The following GAN variants were observed in gnomAD, a reference collection of about 807,000 sequenced individuals.
The protein encoded by GAN is epididymis secretory sperm binding protein.
A neutral mutation model predicts 71.3 loss-of-function variants in GAN; 48 were observed. That is an observed-to-expected ratio of 0.67 (90% CI 0.53 to 0.86). The LOEUF (loss-of-function observed/expected upper bound fraction) is 0.86, where lower values mean the gene tolerates loss of function less well. Ranked by LOEUF, GAN falls within the 40% of genes least tolerant of loss-of-function variation. The pLI, the probability that GAN is intolerant of heterozygous loss-of-function variation, is 0.00. For missense variants in GAN, 928 were observed against 770.1 expected, an observed-to-expected ratio of 1.21 and a Z score of -2.43; for synonymous variants, 386 against 276.8, an observed-to-expected ratio of 1.39 and a Z score of -3.92.
intron 1 of GAN, among the ~76,000 whole-genome samples, chr16:81,342,476 C>G (rs368355218): frequency 6.6e-6 from 1 of 152,228 alleles, no homozygotes; most frequent in Non-Finnish European, 1.5e-5. Context: ...GATTCAGACT[C>G]TCACTCAAAA....
chr16:81,373,399 T>C (rs569892555), intron 9 of GAN, among the ~76,000 whole-genome samples: 2 of 152,346 alleles, frequency 1.3e-5, no homozygotes, highest in African/African-American at 4.8e-5. Context: ...AACATTATTA[T>C]TACATAGCAG....
chr16:81,317,104 A>T (rs1909069928), intron 1 of GAN, among the ~76,000 whole-genome samples: 1 of 152,072 alleles, frequency 6.6e-6, no homozygotes, highest in African/African-American at 2.4e-5. Flanking sequence ...TGATCCGCCC[A>T]CCTCGGCCTC....
chr16:81,324,325 T>C (rs924586450), intron 1 of GAN, among the ~76,000 whole-genome samples: 22 of 150,994 alleles, frequency 1.5e-4, no homozygotes, highest in Admixed American at 1.1e-3. Context: ...GCCATATGAG[T>C]TTGCCGAAGG....
chr16:81,343,941 T>A (rs1266417970), intron 1 of GAN, among the ~76,000 whole-genome samples: 1 of 152,222 alleles, frequency 6.6e-6, no homozygotes, highest in African/African-American at 2.4e-5. Flanking sequence ...AAAATGAATG[T>A]GCAAAATCAC....
rs141131887 is a variant in GAN, at chr16:81,389,923, G to A, written c.*12327G>A. Reference sequence around the variant, plus strand: ...TTGAATACTATAAGGAAAATGCCACGAATACCATATAAATACCACACCAAT... The same window carrying A: ...TTGAATACTATAAGGAAAATGCCACAAATACCATATAAATACCACACCAAT... On this transcript the variant is annotated 3_prime_UTR_variant, in exon 11 of 11. Transcript: ENST00000648994. The A allele has an allele frequency of 3.6e-3, 541 of 152,196 alleles. 4 individuals carry two copies. The highest frequency in any genetic ancestry group is 0.012 in the African/African-American group (511 of 41,528). 9.4% of individuals were successfully genotyped at this position (152,196 alleles called of 1,614,324 possible).
chr16:81,363,551 T>C (rs1346390246), intron 6 of GAN, among the ~76,000 whole-genome samples: 1 of 152,212 alleles, frequency 6.6e-6, no homozygotes, highest in Non-Finnish European at 1.5e-5. Context: ...AGGTTTGTTA[T>C]GTGTGTATAT....
At chr16:81,336,723 C>A (rs894728545) in intron 1 of GAN, among the ~76,000 whole-genome samples, 2 of 151,942 alleles carry the variant, frequency 1.3e-5, no homozygotes, top group Non-Finnish European at 2.9e-5. Flanking sequence ...AGTGATTCTC[C>A]CACCTCGGCC....
chr16:81,380,718 CAT>C lies in GAN; in HGVS notation c.*3125_*3126del, dbSNP rs1904300610. The C allele has an allele frequency of 6.6e-6, 1 of 152,152 alleles. No individual in the cohort carries two copies. The highest frequency in any genetic ancestry group is 1.5e-5 in the Non-Finnish European group (1 of 68,036). The allele number at this position is 152,152 out of a possible 1,614,324, so 9.4% of individuals were successfully genotyped here. On this transcript the variant is annotated 3_prime_UTR_variant, in exon 11 of 11. Transcript: ENST00000648994. ...TCAGTTTATACTACTGTGTCGAACT[CAT>C]ATTGAGTGTAAATATTGAAATATTT...
chr16:81,332,247 A>C (rs191824219), intron 1 of GAN, among the ~76,000 whole-genome samples: 53 of 152,176 alleles, frequency 3.5e-4, no homozygotes, highest in Non-Finnish European at 5.3e-4. Context: ...GGTGGTGGGT[A>C]AACCAGTCAG....
intron 1 of GAN, among the ~76,000 whole-genome samples, chr16:81,319,460 G>A (rs1909155879): frequency 6.6e-6 from 1 of 151,962 alleles, no homozygotes; most frequent in Non-Finnish European, 1.5e-5. Flanking sequence ...CCTGAGCTGT[G>A]GTTCTTGGTG....
At chr16:81,350,466 C>T (rs1597399417) in intron 1 of GAN, among the ~76,000 whole-genome samples, 1 of 152,142 alleles carries the variant, frequency 6.6e-6, no homozygotes, top group East Asian at 1.9e-4. Flanking sequence ...AATTCTACTC[C>T]CAGGAGTAGA....
chr16:81,334,573 G>A lies in GAN; in HGVS notation c.168-17010G>A, dbSNP rs532374316. On this transcript the variant is annotated intron_variant, in intron 1 of 10. Coordinates refer to ENST00000648994, the MANE Select transcript of GAN (RefSeq NM_022041.4). ...CCTCCTGTGGCCAGCCCTAGAGTCC[G>A]GTTCCCATTCGGATTATTGCACTGG... 6.6e-5 allele frequency among the ~76,000 whole-genome samples: 10 copies of A among 152,284 alleles called. No individual in the cohort carries two copies. In the South Asian group the frequency reaches 1.5e-3, roughly 22 times the overall value.
chr16:81,384,321 A>C lies in GAN; in HGVS notation c.*6725A>C, dbSNP rs931559063. The stretch of plus-strand genomic sequence containing the variant: ...TACTTAAAAAAAAAAAAAAAAGAAA[A>C]GAAAAAAAAGCACTTACAACCAGGA... On this transcript the variant is annotated 3_prime_UTR_variant, in exon 11 of 11. Coordinates refer to ENST00000648994, the MANE Select transcript of GAN (RefSeq NM_022041.4). 1 of 151,880 alleles carries C rather than the reference A, an allele frequency of 6.6e-6. No individual in the cohort carries two copies. Among genetic ancestry groups the C allele is most frequent in the Non-Finnish European group, 1.5e-5 (1 of 67,958 alleles). The allele number at this position is 151,880 out of a possible 1,614,324, so 9.4% of individuals were successfully genotyped here.
Position 81,319,224 on chromosome 16 carries a change from A to ATATATATATATATATC in GAN, c.167+3945_167+3946insATATATATATATATCT, listed in dbSNP as rs998809260. Among the ~76,000 whole-genome samples, 5 of 148,520 alleles carry ATATATATATATATATC rather than the reference A, an allele frequency of 3.4e-5. No homozygotes were observed. The Admixed American group carries it at 3.4e-4, about 10-fold the overall frequency. ...ATATAGATTATATATATATATATAT[A>ATATATATATATATATC]TCTAACAACCTTTCTAAGAATGGCA... is the stretch of plus-strand genomic sequence containing the variant. On this transcript the variant is annotated intron_variant, in intron 1 of 10. Coordinates refer to ENST00000648994, the MANE Select transcript of GAN (RefSeq NM_022041.4).
intron 1 of GAN, among the ~76,000 whole-genome samples, chr16:81,317,864 G>C (rs759926173): frequency 2.0e-5 from 3 of 151,978 alleles, no homozygotes; most frequent in Non-Finnish European, 2.9e-5. Flanking sequence ...AGAGAAGGCA[G>C]ATTTTTTTTT....
At position 81,384,328 on chromosome 16, in the gene GAN, A is replaced by C. The variant is rs1276852324; in HGVS notation, c.*6732A>C. 1.3e-5 allele frequency: 2 copies of C among 152,042 alleles called. No homozygotes were observed. Among genetic ancestry groups the C allele is most frequent in the Admixed American group, 1.3e-4 (2 of 15,264 alleles). The allele number at this position is 152,042 out of a possible 1,614,324, so 9.4% of individuals were successfully genotyped here. ...AAAAAAAAAAAAAAGAAAAGAAAAA[A>C]AAGCACTTACAACCAGGAGGAATAA... On this transcript the variant is annotated 3_prime_UTR_variant, in exon 11 of 11. Transcript: ENST00000648994.
chr16:81,347,393 A>G (rs1352722813), intron 1 of GAN, among the ~76,000 whole-genome samples: 4 of 152,232 alleles, frequency 2.6e-5, no homozygotes, highest in African/African-American at 7.2e-5. Context: ...TGTCACCAGA[A>G]TGGACTGGCT....
At chr16:81,329,169 G>C (rs530152630) in intron 1 of GAN, among the ~76,000 whole-genome samples, 1 of 152,058 alleles carries the variant, frequency 6.6e-6, no homozygotes, top group East Asian at 1.9e-4. Context: ...CCTGTTGTTT[G>C]TTCTCTTCTC....
rs1175021132 is a variant in GAN at position 81,386,360 on chromosome 16, G to C, written c.*8764G>C. 1.3e-5 allele frequency: 2 copies of C among 152,202 alleles called. No homozygotes were observed. Among genetic ancestry groups the C allele is most frequent in the East Asian group, 1.9e-4 (1 of 5,180 alleles). The allele number at this position is 152,202 out of a possible 1,614,324, so 9.4% of individuals were successfully genotyped here. A position where few individuals can be genotyped will look rare whatever the true frequency, so the allele number is the denominator to read the frequency against. ...AGACCTAACTGTGCTTTCTTAACTT[G>C]GATGTTACATGAAACTTAAAAACAA... On this transcript the variant is annotated 3_prime_UTR_variant, in exon 11 of 11. Coordinates refer to ENST00000648994, the MANE Select transcript of GAN (RefSeq NM_022041.4).
Sources: allele counts gnomAD v4.1 joint callset (sites outside exome capture counted in the v4.1 genomes callset), GRCh38; gene constraint gnomAD v4.1.1; transcripts MANE v1.5; gene names NCBI Gene and HGNC (gene_info 2026-07-23, HGNC 2026-07-21).